The following PCDHA2 variants were observed in gnomAD, a reference collection of about 807,000 sequenced individuals.
PCDHA2 encodes protocadherin alpha 2.
A neutral mutation model predicts 66.0 loss-of-function variants in PCDHA2; 58 were observed. The observed-to-expected ratio is 0.88, with a 90% CI of 0.71 to 1.09. The LOEUF is 1.09. Ranked by LOEUF, PCDHA2 falls within the 50% of genes least tolerant of loss-of-function variation. PCDHA2 has a pLI of 0.00. For missense variants in PCDHA2, 1,267 were observed against 1,242.3 expected, an observed-to-expected ratio of 1.02 and a Z score of -0.30; for synonymous variants, 634 against 554.0, an observed-to-expected ratio of 1.14 and a Z score of -2.03.
At chr5:140,943,321 G>C (rs1012061757) in intron 1 of PCDHA2, among the ~76,000 whole-genome samples, 3 of 150,454 alleles carry the variant, frequency 2.0e-5, no homozygotes, top group Non-Finnish European at 4.4e-5. Flanking sequence ...TAGCAATATT[G>C]TGTAGTATCC....
In PCDHA2 at chr5:140,875,437, C is replaced by CTGAT. The variant is rs782126939; in HGVS notation, c.2388+78088_2388+78091dup. The stretch of plus-strand genomic sequence containing the variant: ...ACCTCAGGCAAGCGATCCCTTAAAA[C>CTGAT]TGATTGTCCCAACTCAGAGGCCCTC... On this transcript the variant is annotated intron_variant, in intron 1 of 3. Transcript: ENST00000526136. 4 of 1,565,778 alleles carry CTGAT rather than the reference C, an allele frequency of 2.6e-6. No homozygotes were observed. In the South Asian group the frequency reaches 3.6e-5, roughly 14 times the overall value.
chr5:140,850,216 A>C lies in PCDHA2; in HGVS notation c.2388+52864A>C. 5 of 1,593,446 alleles carry C rather than the reference A, an allele frequency of 3.1e-6. No individual in the cohort carries two copies. The East Asian group carries it at 1.1e-4, about 36-fold the overall frequency. ...CTGACACCTCGGATGAGGGGCACTG[A>C]CGGCGCAGTGAGCGAGATGGTGCTG... On this transcript the variant is annotated intron_variant, in intron 1 of 3. Transcript: ENST00000526136.
chr5:140,881,458 G>C (rs2058720447), intron 1 of PCDHA2: 1 of 671,966 alleles, frequency 1.5e-6, no homozygotes, highest in Non-Finnish European at 1.8e-6. Context: ...CAAAACCTTA[G>C]AGCATTGTTG....
intron 1 of PCDHA2, chr5:140,807,442 T>G: frequency 6.2e-7 from 1 of 1,603,674 alleles, no homozygotes; most frequent in Non-Finnish European, 8.5e-7. Context: ...GCATTTTGTT[T>G]GTGAATTCTC....
At chr5:141,009,455 A>G in intron 3 of PCDHA2, 172 bp from the exon 4 acceptor site, 1 of 946,862 alleles carries the variant, frequency 1.1e-6, no homozygotes, top group Non-Finnish European at 1.3e-6. Flanking sequence ...AAAAAATTAA[A>G]CAAATAAATA....
intron 1 of PCDHA2, chr5:140,830,206 C>A: frequency 1.9e-6 from 3 of 1,613,782 alleles, no homozygotes; most frequent in Non-Finnish European, 2.5e-6. Context: ...TCGCCATCTG[C>A]GCGGTATCCA....
chr5:140,921,498 A>G (rs2080245132), intron 1 of PCDHA2, among the ~76,000 whole-genome samples: 1 of 152,230 alleles, frequency 6.6e-6, no homozygotes, highest in African/African-American at 2.4e-5. Context: ...TTAGTTTATT[A>G]GATAGTGCCT....
At chr5:140,802,763 G>C in intron 1 of PCDHA2, 1 of 1,612,888 alleles carries the variant, frequency 6.2e-7, no homozygotes, top group Non-Finnish European at 8.5e-7. Flanking sequence ...CGCTGCAGCC[G>C]CTGGACCACG....
intron 3 of PCDHA2, among the ~76,000 whole-genome samples, chr5:140,990,016 G>A (rs1211656433): frequency 6.6e-6 from 1 of 152,138 alleles, no homozygotes; most frequent in East Asian, 1.9e-4. Flanking sequence ...GCGTGGGCTA[G>A]GCAAAGGATG....
intron 1 of PCDHA2, chr5:140,882,865 A>G (rs1554175879): frequency 6.2e-7 from 1 of 1,614,248 alleles, no homozygotes; most frequent in Non-Finnish European, 8.5e-7. Context: ...TGAGGAAAAC[A>G]CTGGACAGAG....
In PCDHA2 at chr5:140,849,917, C is replaced by A. The variant is rs2150457519; in HGVS notation, c.2388+52565C>A. ...AGAACAACCCGCCGGGCTGCCACATCTTCACGGTGTCTGCGCGGGACGCTG... is the reference window on the plus strand; with the variant it reads ...AGAACAACCCGCCGGGCTGCCACATATTCACGGTGTCTGCGCGGGACGCTG... On this transcript the variant is annotated intron_variant, in intron 1 of 3. Coordinates refer to ENST00000526136, the MANE Select transcript of PCDHA2 (RefSeq NM_018905.3). 7 of 1,598,228 alleles carry A rather than the reference C, an allele frequency of 4.4e-6. No individual in the cohort carries two copies. In the South Asian group the frequency reaches 7.7e-5, roughly 18 times the overall value.
chr5:140,830,932 C>T (rs2150190420), intron 1 of PCDHA2: 7 of 152,266 alleles, frequency 4.6e-5, no homozygotes, highest in African/African-American at 1.7e-4. Flanking sequence ...TTTCTGTCGA[C>T]ACTTTTATTA....
At chr5:140,829,388 C>A (rs1554131920) in intron 1 of PCDHA2, 6 of 1,614,056 alleles carry the variant, frequency 3.7e-6, no homozygotes, top group Non-Finnish European at 5.1e-6. Flanking sequence ...CGGGGGCTCG[C>A]CTTCGCTGTG....
At chr5:140,906,891 T>C (rs2073026399) in intron 1 of PCDHA2, among the ~76,000 whole-genome samples, 1 of 152,152 alleles carries the variant, frequency 6.6e-6, no homozygotes, top group South Asian at 2.1e-4. Context: ...CCTTCTTAGA[T>C]TGTTGGTTTA....
chr5:140,956,433 C>T (rs1260145380), intron 1 of PCDHA2, among the ~76,000 whole-genome samples: 6 of 152,098 alleles, frequency 3.9e-5, no homozygotes, highest in African/African-American at 1.4e-4. Context: ...TTTAGTTCTG[C>T]TTATGTGATG....
chr5:140,866,320 C>T (rs1351694984), intron 1 of PCDHA2: 2 of 152,154 alleles, frequency 1.3e-5, no homozygotes, highest in African/African-American at 2.4e-5. Context: ...ATTTCAGGGA[C>T]CCTGAACTTG....
At position 140,926,799 on chromosome 5, in the gene PCDHA2, T is replaced by G. The variant is rs561004739; in HGVS notation, c.2389-52150T>G. Reference sequence around the variant, plus strand: ...AGTGACGGCCGGCAGGAGCGTGCTCTTCCCCGCGGCTCGTGCTCTCCAGGA... The same window carrying G: ...AGTGACGGCCGGCAGGAGCGTGCTCGTCCCCGCGGCTCGTGCTCTCCAGGA... On this transcript the variant is annotated intron_variant, in intron 1 of 3. Transcript: ENST00000526136. The G allele has an allele frequency of 1.6e-4, 230 of 1,456,322 alleles. 2 individuals carry two copies. The African/African-American group carries it at 2.6e-3, about 16-fold the overall frequency. The allele number at this position is 1,456,322 out of a possible 1,614,324, so 90.2% of individuals were successfully genotyped here.
At chr5:140,833,964 T>TG (rs1419903363) in intron 1 of PCDHA2, among the ~76,000 whole-genome samples, 1 of 152,084 alleles carries the variant, frequency 6.6e-6, no homozygotes, top group African/African-American at 2.4e-5. Flanking sequence ...TAAAACTGTG[T>TG]GAAAAAAAAG....
At position 140,850,184 on chromosome 5, in the gene PCDHA2, G is replaced by A. The variant is rs2150471787; in HGVS notation, c.2388+52832G>A. 1.2e-5 allele frequency: 19 copies of A among 1,593,814 alleles called. 2 individuals carry two copies. The highest frequency in any genetic ancestry group is 4.5e-5 in the East Asian group (2 of 44,826). ...TGCTGGACGAGAACGACAATGCGCC[G>A]GCGCTGCTGACACCTCGGATGAGGG... On this transcript the variant is annotated intron_variant, in intron 1 of 3. Coordinates refer to ENST00000526136, the MANE Select transcript of PCDHA2 (RefSeq NM_018905.3).
Sources: gnomAD v4.1 joint callset for allele counts (sites outside exome capture counted in the v4.1 genomes callset) on GRCh38, gnomAD v4.1.1 for gene constraint, MANE v1.5 for transcripts, NCBI Gene and HGNC (gene_info 2026-07-23, HGNC 2026-07-21) for gene names.